SCHIP1: variants seen among roughly 807,000 people sequenced by gnomAD.
SCHIP1 encodes the protein schwannomin interacting protein 1, also known as schwannomin-interacting protein 1.
Under a neutral mutation model 29.7 loss-of-function variants are expected in SCHIP1, and 8 were observed. That is an observed-to-expected ratio of 0.27 (90% CI 0.16 to 0.49). SCHIP1 has a LOEUF of 0.49. SCHIP1 is among the 20% of genes least tolerant of loss of function. The probability of loss-of-function intolerance (pLI) is 0.99; values close to 1 mark genes in which losing one functional copy is unlikely to be tolerated. For missense variants in SCHIP1, 193 were observed against 294.6 expected, an observed-to-expected ratio of 0.66 and a Z score of 2.52; for synonymous variants, 76 against 94.9, an observed-to-expected ratio of 0.80 and a Z score of 1.16.
chr3:159,275,329 T>C, the SCHIP1 span, among the ~76,000 whole-genome samples: 1 of 152,206 alleles, frequency 6.6e-6, no homozygotes, highest in East Asian at 1.9e-4. Flanking sequence ...CTCTGTGATT[T>C]TAAACTTAAA....
At chr3:159,739,452 T>G in the SCHIP1 span, among the ~76,000 whole-genome samples, 6 of 152,196 alleles carry the variant, frequency 3.9e-5, no homozygotes, top group Non-Finnish European at 2.9e-5. Flanking sequence ...GGTGAAGGTT[T>G]TGAGAAGTGT....
At chr3:159,292,219 CAGGT>C in the SCHIP1 span, among the ~76,000 whole-genome samples, 10 of 151,822 alleles carry the variant, frequency 6.6e-5, no homozygotes, top group African/African-American at 2.4e-4. Flanking sequence ...AGGAGGAAGA[CAGGT>C]AGAGAGAGGA....
chr3:159,274,518 G>A, the SCHIP1 span: 6 of 732,188 alleles, frequency 8.2e-6, no homozygotes, highest in Non-Finnish European at 1.0e-5. Context: ...AAAATAATTA[G>A]TTTCAAAATG....
chr3:159,438,413 C>T, the SCHIP1 span, among the ~76,000 whole-genome samples: 2 of 152,126 alleles, frequency 1.3e-5, no homozygotes, highest in African/African-American at 4.8e-5. Context: ...CTCTTCTACC[C>T]CCGTTCCCTG....
chr3:159,674,114 C>G, the SCHIP1 span, among the ~76,000 whole-genome samples: 1 of 152,204 alleles, frequency 6.6e-6, no homozygotes, highest in Non-Finnish European at 1.5e-5. Flanking sequence ...TCTGCAAAAC[C>G]TGCACCAGGT....
chr3:159,588,048 T>C, the SCHIP1 span, among the ~76,000 whole-genome samples: 11 of 152,224 alleles, frequency 7.2e-5, no homozygotes, highest in Non-Finnish European at 1.2e-4. Context: ...CACCACACTG[T>C]CTTCCACAAT....
At chr3:159,843,038 G>T (rs1744418980) in intron 1 of SCHIP1, among the ~76,000 whole-genome samples, 1 of 36,140 alleles carries the variant, frequency 2.8e-5, no homozygotes, top group Non-Finnish European at 6.0e-5. Context: ...TTGAGATGGA[G>T]TCTCACTCTG....
the SCHIP1 span, among the ~76,000 whole-genome samples, chr3:159,313,421 C>A: frequency 5.3e-5 from 8 of 152,280 alleles, no homozygotes; most frequent in East Asian, 1.5e-3. Context: ...GGCACAAATG[C>A]CACTGCTGCA....
chr3:159,587,620 T>C, the SCHIP1 span, among the ~76,000 whole-genome samples: 1 of 152,026 alleles, frequency 6.6e-6, no homozygotes, highest in Non-Finnish European at 1.5e-5. Flanking sequence ...CCCTCCCCCC[T>C]TTCCCCACCC....
chr3:159,758,431 G>T, the SCHIP1 span, among the ~76,000 whole-genome samples: 4 of 152,328 alleles, frequency 2.6e-5, no homozygotes, highest in Admixed American at 6.5e-5. Context: ...GATTACAGGC[G>T]TGAGCCACCA....
chr3:159,331,256 G>A, the SCHIP1 span, among the ~76,000 whole-genome samples: 36 of 152,306 alleles, frequency 2.4e-4, no homozygotes, highest in African/African-American at 8.7e-4. Flanking sequence ...CTCCCCCAGA[G>A]GGATCCTCCA....
At chr3:159,374,050 A>C in the SCHIP1 span, among the ~76,000 whole-genome samples, 5 of 152,144 alleles carry the variant, frequency 3.3e-5, no homozygotes, top group East Asian at 9.6e-4. Flanking sequence ...AATATTTTTA[A>C]ATTTTGTTAC....
the SCHIP1 span, among the ~76,000 whole-genome samples, chr3:159,728,408 A>G: frequency 6.6e-6 from 1 of 152,186 alleles, no homozygotes; most frequent in Non-Finnish European, 1.5e-5. Flanking sequence ...GGGGACCCTA[A>G]GACCAGTCTA....
At chr3:159,476,328 GT>G in the SCHIP1 span, among the ~76,000 whole-genome samples, 1 of 152,112 alleles carries the variant, frequency 6.6e-6, no homozygotes, top group Non-Finnish European at 1.5e-5. Flanking sequence ...AGTGGGTTGA[GT>G]TTATTGCCCA....
At chr3:159,725,707 A>G in the SCHIP1 span, among the ~76,000 whole-genome samples, 1 of 152,236 alleles carries the variant, frequency 6.6e-6, no homozygotes, top group Non-Finnish European at 1.5e-5. Flanking sequence ...TGCCACAGGT[A>G]CCACTGGCAA....
the SCHIP1 span, among the ~76,000 whole-genome samples, chr3:159,633,839 T>C: frequency 6.6e-6 from 1 of 152,138 alleles, no homozygotes; most frequent in African/African-American, 2.4e-5. Flanking sequence ...ATATCTGATG[T>C]GATGAAATAT....
At chr3:159,514,264 A>G in the SCHIP1 span, among the ~76,000 whole-genome samples, 1 of 152,226 alleles carries the variant, frequency 6.6e-6, no homozygotes, top group African/African-American at 2.4e-5. Flanking sequence ...AAAAAAATCA[A>G]CTGATGATAC....
At chr3:159,473,674 G>GAAAAAAAAAAAAAAAAAAAGAA in the SCHIP1 span, among the ~76,000 whole-genome samples, 1 of 81,446 alleles carries the variant, frequency 1.2e-5, no homozygotes, top group African/African-American at 4.7e-5. Context: ...ATGTAACTAC[G>GAAAAAAAAAAAAAAAAAAAGAA]AAAAAAAAAA....
At chr3:159,432,457 A>C in the SCHIP1 span, among the ~76,000 whole-genome samples, 1 of 152,048 alleles carries the variant, frequency 6.6e-6, no homozygotes, top group Non-Finnish European at 1.5e-5. Flanking sequence ...CTTCTACTGC[A>C]TTCTGTTAGT....
Sources: allele counts gnomAD v4.1 joint callset (sites outside exome capture counted in the v4.1 genomes callset), GRCh38; gene constraint gnomAD v4.1.1; transcripts MANE v1.5; gene names NCBI Gene and HGNC (gene_info 2026-07-23, HGNC 2026-07-21).